Variants in SMARCC2 observed in about 807,000 individuals in gnomAD.
The protein encoded by SMARCC2 is SWI/SNF related BAF chromatin remodeling complex subunit C2, also known as SWI/SNF complex subunit SMARCC2.
A neutral mutation model predicts 151.3 loss-of-function variants in SMARCC2; 15 were observed. The ratio of observed to expected loss-of-function variants is 0.10; its 90% CI spans 0.07 to 0.15. SMARCC2 has a LOEUF of 0.15. Ranked by LOEUF, SMARCC2 falls within the 10% of genes least tolerant of loss-of-function variation. The probability of loss-of-function intolerance (pLI) is 1.00; values close to 1 mark genes in which losing one functional copy is unlikely to be tolerated. For synonymous variants in SMARCC2, 590 were observed against 609.5 expected, an observed-to-expected ratio of 0.97 and a Z score of 0.47; for missense variants, 1,031 against 1,599.7, an observed-to-expected ratio of 0.64 and a Z score of 6.06.
In SMARCC2 at chr12:56,172,581, C is replaced by T. The variant is rs1372565502; in HGVS notation, c.1863+4G>A. On this transcript the variant is annotated splice_donor_region_variant and intron_variant, in intron 19 of 28. Coordinates refer to ENST00000550164, the MANE Select transcript of SMARCC2 (RefSeq NM_001330288.2). ...TACCCCTAGAGTCGGCCCGCACCTCCTACCTTGGAGGGAACATTCTTTTTT... is the reference window on the plus strand; with the variant it reads ...TACCCCTAGAGTCGGCCCGCACCTCTTACCTTGGAGGGAACATTCTTTTTT... The T allele has an allele frequency of 6.2e-7, 1 of 1,614,088 alleles. No homozygotes were observed. The highest frequency in any genetic ancestry group is 1.3e-5 in the African/African-American group (1 of 74,944).
chr12:56,172,876 G>T lies in SMARCC2; in HGVS notation c.1743+61C>A. On this transcript the variant is annotated intron_variant, in intron 18 of 28. Transcript: ENST00000550164. ...TCTGCTCTCATGTCTCTTCTTCCCG[G>T]GCAGGGGCCCCCCAATAAAGGGGAA... 4 of 1,592,940 alleles carry T rather than the reference G, an allele frequency of 2.5e-6. No individual in the cohort carries two copies. In the South Asian group the frequency reaches 4.4e-5, roughly 18 times the overall value.
chr12:56,162,438 A>G lies in SMARCC2; in HGVS notation c.*1251T>C, dbSNP rs1395726527. ...AGAGAAAATTTACAGAAAACTTTGA[A>G]CAGAAGAAAGGTGCTAAGACGCAGA... is the stretch of plus-strand genomic sequence containing the variant. On this transcript the variant is annotated 3_prime_UTR_variant, in exon 29 of 29. Coordinates refer to ENST00000550164, the MANE Select transcript of SMARCC2 (RefSeq NM_001330288.2). 1.4e-5 allele frequency: 9 copies of G among 627,152 alleles called. No homozygotes were observed. Among genetic ancestry groups the G allele is most frequent in the Admixed American group, 2.9e-5 (1 of 34,964 alleles). 38.8% of individuals were successfully genotyped at this position (627,152 alleles called of 1,614,324 possible). A position where few individuals can be genotyped will look rare whatever the true frequency, so the allele number is the denominator to read the frequency against.
At chr12:56,179,291 T>C (rs1161743438) in intron 11 of SMARCC2, among the ~76,000 whole-genome samples, 1 of 152,248 alleles carries the variant, frequency 6.6e-6, no homozygotes, top group Non-Finnish European at 1.5e-5. Context: ...ATGATTCTTG[T>C]CTTTGACAGG....
chr12:56,186,498 G>A, intron 2 of SMARCC2: 1 of 441,784 alleles, frequency 2.3e-6, no homozygotes, highest in Non-Finnish European at 4.1e-6. Context: ...TTACAGGCAT[G>A]AGCCACCACA....
chr12:56,175,724 C>T (rs973578561), intron 15 of SMARCC2, among the ~76,000 whole-genome samples: 1 of 152,086 alleles, frequency 6.6e-6, no homozygotes, highest in Admixed American at 6.6e-5. Context: ...TCCTCTATAC[C>T]CTATCTGTCA....
Position 56,170,219 on chromosome 12 carries a change from G to T in SMARCC2, c.2348-11C>A. 1 of 1,611,628 alleles carries T rather than the reference G, an allele frequency of 6.2e-7. No individual in the cohort carries two copies. ...CATTCCCGCTCTCCTCTGGGCCCAT[G>T]AGAAAAGAAAGAAAACAGGAAATGT... On this transcript the variant is annotated splice_polypyrimidine_tract_variant and intron_variant, in intron 22 of 28. Transcript: ENST00000550164.
At chr12:56,174,034 G>C (rs1874468902) in intron 16 of SMARCC2, among the ~76,000 whole-genome samples, 185 bp from the exon 17 acceptor site, 1 of 152,082 alleles carries the variant, frequency 6.6e-6, no homozygotes, top group Non-Finnish European at 1.5e-5. Flanking sequence ...CTAAATGCCA[G>C]TGACACCCAA....
chr12:56,170,009 C>T (rs1873608719), intron 23 of SMARCC2, 98 bp from the exon 24 acceptor site: 2 of 1,442,088 alleles, frequency 1.4e-6, no homozygotes, highest in South Asian at 1.2e-5. Flanking sequence ...ATTCCTCTTA[C>T]TTTGGAGGTG....
rs759277593 is a variant in SMARCC2 at position 56,189,432 on chromosome 12, G to A, written c.30C>T (p.Pro10=). The change falls in exon 1 of 29, where the codon CCC becomes CCT. Residue 10 remains proline (P), a synonymous_variant. Transcript: ENST00000550164. ...CCGCGGCCTCGTAGTACTTCACGTTGGGGCCGCCGTCCTTCTTCCGCACCG... is the reference window on the plus strand; with the variant it reads ...CCGCGGCCTCGTAGTACTTCACGTTAGGGCCGCCGTCCTTCTTCCGCACCG... MAVRKKDGG[P]NVKYYEAADT... 6.6e-7 allele frequency: 1 copy of A among 1,510,006 alleles called. No homozygotes were observed. The highest frequency in any genetic ancestry group is 1.3e-5 in the South Asian group (1 of 79,926). 93.5% of individuals were successfully genotyped at this position (1,510,006 alleles called of 1,614,324 possible). A position where few individuals can be genotyped will look rare whatever the true frequency, so the allele number is the denominator to read the frequency against.
In SMARCC2 at chr12:56,171,481, T is replaced by A; in HGVS notation, c.2186-49A>T. The A allele has an allele frequency of 1.2e-6, 2 of 1,609,968 alleles. No individual in the cohort carries two copies. The highest frequency in any genetic ancestry group is 1.7e-6 in the Non-Finnish European group (2 of 1,176,532). ...GCTGGGAGCGGCACAGTGGAACAGT[T>A]CTGGCAATCCCTGCAAAAGCTTACT... On this transcript the variant is annotated intron_variant, in intron 21 of 28. Coordinates refer to ENST00000550164, the MANE Select transcript of SMARCC2 (RefSeq NM_001330288.2). The surrounding 1 kb of genome is among the most constrained non-coding windows in gnomAD (Gnocchi z 4.2).
intron 27 of SMARCC2, 85 bp downstream of exon 27, chr12:56,165,233 A>C: frequency 7.1e-7 from 1 of 1,412,734 alleles, no homozygotes; most frequent in Non-Finnish European, 9.2e-7. Flanking sequence ...TCATCTCCAC[A>C]CTCATCTTGT....
At chr12:56,176,238 A>G (rs1453187578) in intron 15 of SMARCC2, among the ~76,000 whole-genome samples, 1 of 152,210 alleles carries the variant, frequency 6.6e-6, no homozygotes, top group Non-Finnish European at 1.5e-5. Flanking sequence ...TCACCTGATC[A>G]CTACTTTCTT....
Position 56,181,545 on chromosome 12 carries a change from T to C in SMARCC2, c.893A>G (p.Lys298Arg). 1 of 1,584,960 alleles carries C rather than the reference T, an allele frequency of 6.3e-7. No homozygotes were observed. Among genetic ancestry groups the C allele is most frequent in the South Asian group, 1.2e-5 (1 of 85,660 alleles). ...RRDKKGGNYK[K>R]RKRSPSPSPT... is the part of the protein sequence containing the mutation. ...TGAAGGAGAGGGGGAGCGCTTCCTC[T>C]TCTTATAGTTTCCCCCCTTCTTGTC... The change falls in exon 10 of 29, where the codon AAG (lysine) becomes AGG (arginine). Residue 298 changes from lysine to arginine, a missense_variant. Physicochemically the swap from Lys to Arg is conservative, Grantham distance 26. Coordinates refer to ENST00000550164, the MANE Select transcript of SMARCC2 (RefSeq NM_001330288.2).
Position 56,164,315 on chromosome 12 carries a change from T to G in SMARCC2, c.3649A>C (p.Ser1217Arg). 1 of 1,612,866 alleles carries G rather than the reference T, an allele frequency of 6.2e-7. No homozygotes were observed. Among genetic ancestry groups the G allele is most frequent in the South Asian group, 1.1e-5 (1 of 91,054 alleles). Reference sequence around the variant, plus strand: ...GGCCCCTTCTCACCTGGCAGTGGGCTGGCACTGGGCAGGAGGTTGCCCTGA... The same window carrying G: ...GGCCCCTTCTCACCTGGCAGTGGGCGGGCACTGGGCAGGAGGTTGCCCTGA... ...AVQGNLLPSA[S>R]PLPDPGTPLP... The change falls in exon 28 of 29, where the codon AGC becomes CGC. Residue 1217 changes from serine (S) to arginine (R), a missense_variant. Transcript: ENST00000550164.
chr12:56,179,060 C>A lies in SMARCC2; in HGVS notation c.1082-4G>T, dbSNP rs375875036. 91 of 1,613,710 alleles carry A rather than the reference C, an allele frequency of 5.6e-5. No individual in the cohort carries two copies. Among genetic ancestry groups the A allele is most frequent in the Middle Eastern group, 1.6e-4 (1 of 6,062 alleles). On this transcript the variant is annotated splice_polypyrimidine_tract_variant and splice_region_variant and intron_variant, in intron 11 of 28. Transcript: ENST00000550164. ...TCTGAGTCTTTCTTTGTGTTGACTG[C>A]GAAAACAGAGAGTCATTTTATCAGA... is the stretch of plus-strand genomic sequence containing the variant.
chr12:56,189,006 G>A (rs1004974728), intron 1 of SMARCC2, among the ~76,000 whole-genome samples: 6 of 152,072 alleles, frequency 3.9e-5, no homozygotes, highest in Admixed American at 2.0e-4. Context: ...GAGCCCATTG[G>A]GCACCCGGTC....
chr12:56,173,910 G>A (rs1004888992), intron 16 of SMARCC2, 61 bp from the exon 17 acceptor site: 2 of 1,498,980 alleles, frequency 1.3e-6, no homozygotes, highest in African/African-American at 1.4e-5. Context: ...ACGAGGAAGA[G>A]GAAAAGTGGG....
chr12:56,184,372 C>A, intron 5 of SMARCC2, 128 bp from the exon 6 acceptor site: 1 of 651,926 alleles, frequency 1.5e-6, no homozygotes, highest in Non-Finnish European at 2.8e-6. Flanking sequence ...ATTCTCTAAG[C>A]ACACACCAGC....
chr12:56,189,218 C>G, intron 1 of SMARCC2, 133 bp downstream of exon 1: 1 of 317,246 alleles, frequency 3.2e-6, no homozygotes, highest in Admixed American at 8.2e-5. Flanking sequence ...CAGGAGGGCG[C>G]GCGGGGGGCT....
Sources: allele counts gnomAD v4.1 joint callset (sites outside exome capture counted in the v4.1 genomes callset), GRCh38; gene constraint gnomAD v4.1.1; non-coding constraint Gnocchi (gnomAD v3.1); transcripts MANE v1.5; gene names NCBI Gene and HGNC (gene_info 2026-07-23, HGNC 2026-07-21).